The following MTUS2 variants were observed in gnomAD, a reference collection of about 807,000 sequenced individuals.
The protein encoded by MTUS2 is microtubule associated scaffold protein 2, also known as microtubule-associated tumor suppressor candidate 2.
Under a neutral mutation model 114.1 loss-of-function variants are expected in MTUS2, and 40 were observed. That is an observed-to-expected ratio of 0.35 (90% CI 0.27 to 0.46). MTUS2 has a LOEUF of 0.46. Ranked by LOEUF, MTUS2 falls within the 20% of genes least tolerant of loss-of-function variation. The probability of loss-of-function intolerance (pLI) is 1.00; values close to 1 mark genes in which losing one functional copy is unlikely to be tolerated. For missense variants in MTUS2, 1,679 were observed against 1,705.4 expected (o/e 0.98, Z 0.27); for synonymous variants, 688 against 672.0 (o/e 1.02, Z -0.37).
intron 2 of MTUS2, among the ~76,000 whole-genome samples, chr13:28,876,227 C>G (rs987417269): frequency 6.6e-6 from 1 of 152,292 alleles, no homozygotes; most frequent in East Asian, 1.9e-4. Flanking sequence ...GAGCCTAATA[C>G]TGAATATTGG....
Position 29,137,647 on chromosome 13 carries a change from C to T in MTUS2, c.2644+36677C>T, listed in dbSNP as rs1167422905. On this transcript the variant is annotated intron_variant, in intron 5 of 15. Transcript: ENST00000612955. ...TTCTTCTTTTTTTTGAGACAAGTCT[C>T]ACCCTGTCGCCCAGGCTGGAGTACA... 2.0e-5 allele frequency among the ~76,000 whole-genome samples: 3 copies of T among 151,936 alleles called. No individual in the cohort carries two copies. In the East Asian group the frequency reaches 5.8e-4, roughly 29 times the overall value.
chr13:29,206,073 T>TG (rs1204106299), intron 5 of MTUS2, among the ~76,000 whole-genome samples: 1 of 152,212 alleles, frequency 6.6e-6, no homozygotes, highest in Non-Finnish European at 1.5e-5. Context: ...CCAACTTCTA[T>TG]TGTTTTTAGA....
chr13:28,858,619 C>G (rs1266555389), intron 2 of MTUS2, among the ~76,000 whole-genome samples: 1 of 152,138 alleles, frequency 6.6e-6, no homozygotes, highest in Non-Finnish European at 1.5e-5. Context: ...AAACTTAGCA[C>G]TTAGAGAGGG....
chr13:29,285,120 T>A lies in MTUS2; in HGVS notation c.2806+3255T>A, dbSNP rs561176839. ...AAAAAAAAAGGAAAAACTGAAAGAGTTTGAATATCAATAAGATTAGTATTT... is the reference window on the plus strand; with the variant it reads ...AAAAAAAAAGGAAAAACTGAAAGAGATTGAATATCAATAAGATTAGTATTT... On this transcript the variant is annotated intron_variant, in intron 6 of 15. Transcript: ENST00000612955. Among the ~76,000 whole-genome samples, 28 of 149,924 alleles carry A rather than the reference T, an allele frequency of 1.9e-4. No individual in the cohort carries two copies. In the South Asian group the frequency reaches 5.3e-3, roughly 28 times the overall value.
chr13:29,444,280 T>C (rs1423226736), intron 9 of MTUS2, among the ~76,000 whole-genome samples: 1 of 152,078 alleles, frequency 6.6e-6, no homozygotes, highest in African/African-American at 2.4e-5. Flanking sequence ...AAATTAAAAA[T>C]TAGCTAGGTG....
At chr13:29,203,030 A>G (rs1410934858) in intron 5 of MTUS2, among the ~76,000 whole-genome samples, 2 of 152,230 alleles carry the variant, frequency 1.3e-5, no homozygotes, top group African/African-American at 4.8e-5. Flanking sequence ...GCAGAGCTCA[A>G]GCACTGTGCT....
At chr13:28,952,806 C>T (rs1327340418) in intron 2 of MTUS2, among the ~76,000 whole-genome samples, 2 of 152,186 alleles carry the variant, frequency 1.3e-5, no homozygotes, top group Non-Finnish European at 2.9e-5. Context: ...CATACTGTTC[C>T]ATGGTATGGA....
At chr13:29,049,911 C>T (rs2138596885) in intron 4 of MTUS2, among the ~76,000 whole-genome samples, 1 of 152,328 alleles carries the variant, frequency 6.6e-6, no homozygotes, top group Non-Finnish European at 1.5e-5. Flanking sequence ...GAGATAAGCC[C>T]AGGTTGAAAA....
intron 9 of MTUS2, among the ~76,000 whole-genome samples, chr13:29,471,565 C>T (rs1880301139): frequency 6.6e-6 from 1 of 152,096 alleles, no homozygotes; most frequent in Non-Finnish European, 1.5e-5. Context: ...CTGCGGGAGA[C>T]AGACAGGTAA....
chr13:29,249,085 T>C (rs547727180), intron 5 of MTUS2, among the ~76,000 whole-genome samples: 1 of 152,316 alleles, frequency 6.6e-6, no homozygotes, highest in South Asian at 2.1e-4. Flanking sequence ...ACTCCCAGCT[T>C]CCAGCAATTC....
At chr13:28,840,218 G>A (rs1338045010) in intron 2 of MTUS2, among the ~76,000 whole-genome samples, 1 of 152,078 alleles carries the variant, frequency 6.6e-6, no homozygotes, top group South Asian at 2.1e-4. Context: ...GACAGACATA[G>A]GACATGAGCT....
At chr13:29,502,862 C>A in intron 15 of MTUS2, 131 bp from the exon 16 acceptor site, 1 of 849,434 alleles carries the variant, frequency 1.2e-6, no homozygotes, top group Non-Finnish European at 1.9e-6. Flanking sequence ...TTCTTGGTCA[C>A]TGGGTCACCC....
intron 5 of MTUS2, among the ~76,000 whole-genome samples, chr13:29,201,971 G>A (rs1894977531): frequency 6.6e-6 from 1 of 152,060 alleles, no homozygotes; most frequent in South Asian, 2.1e-4. Context: ...TGAATCTGAC[G>A]ATTATGTGTC....
intron 5 of MTUS2, among the ~76,000 whole-genome samples, chr13:29,179,459 T>C (rs1423634754): frequency 6.6e-6 from 1 of 152,152 alleles, no homozygotes. Flanking sequence ...TGGAAATACA[T>C]AACAGCAACA....
chr13:29,275,642 T>C (rs1001235580), intron 5 of MTUS2, among the ~76,000 whole-genome samples: 9 of 152,216 alleles, frequency 5.9e-5, no homozygotes, highest in Non-Finnish European at 8.8e-5. Flanking sequence ...TGTGTCTGGC[T>C]TACTTCACTT....
intron 6 of MTUS2, among the ~76,000 whole-genome samples, chr13:29,286,576 G>A (rs185939369): frequency 4.7e-4 from 72 of 152,342 alleles, no homozygotes; most frequent in African/African-American, 1.7e-3. Context: ...GGCAGGTAGT[G>A]TGACCATAAG....
chr13:29,211,377 A>G (rs1895427261), intron 5 of MTUS2, among the ~76,000 whole-genome samples: 1 of 152,300 alleles, frequency 6.6e-6, no homozygotes, highest in East Asian at 1.9e-4. Context: ...CCCTGCTGAG[A>G]AAGCAAGCGG....
At chr13:29,056,206 T>C (rs967350633) in intron 4 of MTUS2, among the ~76,000 whole-genome samples, 2 of 152,116 alleles carry the variant, frequency 1.3e-5, no homozygotes, top group African/African-American at 2.4e-5. Flanking sequence ...AGGGTTTTTA[T>C]GGTTTTAAGT....
chr13:29,034,793 T>C (rs1886989435), intron 4 of MTUS2, among the ~76,000 whole-genome samples: 1 of 152,198 alleles, frequency 6.6e-6, no homozygotes, highest in African/African-American at 2.4e-5. Context: ...AGAGATGATA[T>C]TCAAAGCTGT....
Sources: allele counts gnomAD v4.1 joint callset (sites outside exome capture counted in the v4.1 genomes callset), GRCh38; gene constraint gnomAD v4.1.1; transcripts MANE v1.5; gene names NCBI Gene and HGNC (gene_info 2026-07-23, HGNC 2026-07-21).